The following RABGAP1 variants were observed in gnomAD, a reference collection of about 807,000 sequenced individuals.
The protein encoded by RABGAP1 is rab GTPase-activating protein 1.
A neutral mutation model predicts 137.6 loss-of-function variants in RABGAP1; 23 were observed. The observed-to-expected ratio is 0.17, with a 90% CI of 0.12 to 0.24. The LOEUF (loss-of-function observed/expected upper bound fraction) is 0.24, where lower values mean the gene tolerates loss of function less well. Among genes scored for constraint, RABGAP1 ranks in the 10% least tolerant of loss-of-function variants. The probability of loss-of-function intolerance (pLI) is 1.00; values close to 1 mark genes in which losing one functional copy is unlikely to be tolerated. For missense variants in RABGAP1, 906 were observed against 1,275.8 expected, an observed-to-expected ratio of 0.71 and a Z score of 4.42; for synonymous variants, 451 against 450.7, an observed-to-expected ratio of 1.00 and a Z score of -0.01.
chr9:123,007,782 T>A (rs1482226796), intron 10 of RABGAP1, among the ~76,000 whole-genome samples: 1 of 150,868 alleles, frequency 6.6e-6, no homozygotes, highest in African/African-American at 2.4e-5. Context: ...TCCAGGAACA[T>A]GGGATGTCTT....
Position 123,101,554 on chromosome 9 carries a change from A to AT in RABGAP1, c.2890-10dup. 1 of 1,612,140 alleles carries AT rather than the reference A, an allele frequency of 6.2e-7. No individual in the cohort carries two copies. Among genetic ancestry groups the AT allele is most frequent in the East Asian group, 2.2e-5 (1 of 44,826 alleles). On this transcript the variant is annotated splice_polypyrimidine_tract_variant and intron_variant, in intron 24 of 25. Coordinates refer to ENST00000373647, the MANE Select transcript of RABGAP1 (RefSeq NM_012197.4). Reference sequence around the variant, plus strand: ...TCTTCTTTGCCTCTTCACATCTAACATTCAATTTCAGCAAAAAGTGGATGA... The same window carrying AT: ...TCTTCTTTGCCTCTTCACATCTAACATTTCAATTTCAGCAAAAAGTGGATGA...
At chr9:123,051,627 A>G (rs1047082232) in intron 13 of RABGAP1, among the ~76,000 whole-genome samples, 5 of 152,046 alleles carry the variant, frequency 3.3e-5, no homozygotes, top group African/African-American at 1.2e-4. Context: ...TCTGTTTTTC[A>G]TAAACACTGA....
intron 14 of RABGAP1, among the ~76,000 whole-genome samples, chr9:123,068,440 C>G (rs1349805879): frequency 1.3e-5 from 2 of 151,438 alleles, no homozygotes; most frequent in Non-Finnish European, 1.5e-5. Context: ...AGCCTCTGTT[C>G]TTTTGTAACT....
chr9:122,994,221 G>A (rs1404152478), intron 6 of RABGAP1, among the ~76,000 whole-genome samples: 1 of 152,110 alleles, frequency 6.6e-6, no homozygotes, highest in African/African-American at 2.4e-5. Context: ...ATTCAGTGAG[G>A]TGAACACCCA....
rs184156569 is a variant in RABGAP1 at position 122,984,235 on chromosome 9, A to G, written c.151-250A>G. On this transcript the variant is annotated intron_variant, in intron 2 of 25. Coordinates refer to ENST00000373647, the MANE Select transcript of RABGAP1 (RefSeq NM_012197.4). ...AAGACTTTAATAACATTGGCAGGCT[A>G]TCGCATATATTTCTGGGTATTAGTC... Among the ~76,000 whole-genome samples, 474 of 152,362 alleles carry G rather than the reference A, an allele frequency of 3.1e-3. 4 individuals carry two copies. Among genetic ancestry groups the G allele is most frequent in the African/African-American group, 0.01 (426 of 41,598 alleles).
Position 123,076,738 on chromosome 9 carries a change from A to G in RABGAP1, c.2400A>G (p.Leu800=). The G allele has an allele frequency of 1.2e-6, 2 of 1,602,734 alleles. No homozygotes were observed. The highest frequency in any genetic ancestry group is 2.3e-5 in the East Asian group (1 of 44,336). The change falls in exon 19 of 26, where the codon CTA becomes CTG. Residue 800 remains leucine, a synonymous_variant. Coordinates refer to ENST00000373647, the MANE Select transcript of RABGAP1 (RefSeq NM_012197.4). The stretch of plus-strand genomic sequence containing the variant: ...GCTCAGAAGAAAATGCAAAAAAACT[A>G]ATGGAATTAGCCTGCAACATGAAGG... ...RYRSEENAKK[L]MELACNMKIS...
At chr9:123,025,325 ATCT>A (rs986257569) in intron 13 of RABGAP1, among the ~76,000 whole-genome samples, 1 of 152,176 alleles carries the variant, frequency 6.6e-6, no homozygotes, top group Non-Finnish European at 1.5e-5. Context: ...GTGAAAGCAA[ATCT>A]TTGTTTTCTA....
intron 13 of RABGAP1, chr9:123,063,230 G>A (rs920952500): frequency 2.0e-5 from 3 of 152,562 alleles, no homozygotes; most frequent in African/African-American, 7.3e-5. Flanking sequence ...CCTAACCTTC[G>A]TAGTTGTCTT....
intron 2 of RABGAP1, among the ~76,000 whole-genome samples, chr9:122,973,143 C>T (rs1490979628): frequency 6.6e-6 from 1 of 152,150 alleles, no homozygotes; most frequent in Non-Finnish European, 1.5e-5. Flanking sequence ...ATATGTTCCT[C>T]TCAGTTGGGA....
At chr9:122,986,711 T>C (rs534785160) in intron 4 of RABGAP1, among the ~76,000 whole-genome samples, 1 of 152,346 alleles carries the variant, frequency 6.6e-6, no homozygotes. Context: ...ATATTTTCCA[T>C]GTTCCTTTGA....
At chr9:122,957,255 C>A in intron 2 of RABGAP1, 46 bp downstream of exon 2, 2 of 1,405,008 alleles carry the variant, frequency 1.4e-6, no homozygotes, top group Admixed American at 2.1e-5. Flanking sequence ...TTTTCTAAGC[C>A]CATTGCAAAA....
chr9:123,007,387 T>C (rs1354734498), intron 10 of RABGAP1, among the ~76,000 whole-genome samples: 5 of 148,868 alleles, frequency 3.4e-5, no homozygotes, highest in African/African-American at 1.2e-4. Flanking sequence ...TTTTTTTTTT[T>C]TTTTTTCCAA....
At chr9:123,014,462 A>G (rs1327341155) in intron 11 of RABGAP1, among the ~76,000 whole-genome samples, 1 of 152,146 alleles carries the variant, frequency 6.6e-6, no homozygotes, top group Non-Finnish European at 1.5e-5. Context: ...AGAGGGAGCA[A>G]TTGTTAGTGT....
chr9:122,989,218 G>C, intron 4 of RABGAP1, 79 bp from the exon 5 acceptor site: 1 of 1,261,176 alleles, frequency 7.9e-7, no homozygotes, highest in Non-Finnish European at 1.1e-6. Flanking sequence ...TAGAAAGAAT[G>C]AGTCTCACAT....
intron 2 of RABGAP1, among the ~76,000 whole-genome samples, chr9:122,958,536 C>T (rs746857767): frequency 6.6e-6 from 1 of 152,034 alleles, no homozygotes; most frequent in East Asian, 1.9e-4. Context: ...ACACAGGGGC[C>T]TGTCGTGGGG....
intron 9 of RABGAP1, 70 bp from the exon 10 acceptor site, chr9:122,998,527 A>G (rs1837155386): frequency 8.3e-7 from 1 of 1,211,426 alleles, no homozygotes; most frequent in Non-Finnish European, 1.1e-6. Flanking sequence ...AATAGCTTTT[A>G]TGGAATCTTA....
At chr9:122,986,917 C>G (rs1836400217) in intron 4 of RABGAP1, among the ~76,000 whole-genome samples, 1 of 152,048 alleles carries the variant, frequency 6.6e-6, no homozygotes, top group African/African-American at 2.4e-5. Flanking sequence ...CACTTAAGTT[C>G]AGGGGTTCGA....
chr9:122,956,729 C>A (rs1222396771), intron 1 of RABGAP1, among the ~76,000 whole-genome samples: 1 of 151,046 alleles, frequency 6.6e-6, no homozygotes, highest in Non-Finnish European at 1.5e-5. Flanking sequence ...ACTTGAATTG[C>A]AACTTAGCCC....
Position 123,070,778 on chromosome 9 carries a change from G to T in RABGAP1, c.1983+354G>T, listed in dbSNP as rs964977334. ...ATTTAGGTATTGGGGTAGGAGGAAGGCGGAAAAGTTGGTTTTCTTTTAGTA... is the reference window on the plus strand; with the variant it reads ...ATTTAGGTATTGGGGTAGGAGGAAGTCGGAAAAGTTGGTTTTCTTTTAGTA... On this transcript the variant is annotated intron_variant, in intron 15 of 25. Transcript: ENST00000373647. This position sits in a 1 kb window ranked among gnomAD's most constrained non-coding sequence, Gnocchi z 4.4. 1.3e-5 allele frequency among the ~76,000 whole-genome samples: 2 copies of T among 152,144 alleles called. No individual in the cohort carries two copies. Among genetic ancestry groups the T allele is most frequent in the Admixed American group, 6.5e-5 (1 of 15,274 alleles).
Sources: allele counts gnomAD v4.1 joint callset (sites outside exome capture counted in the v4.1 genomes callset), GRCh38; gene constraint gnomAD v4.1.1; non-coding constraint Gnocchi (gnomAD v3.1); transcripts MANE v1.5; gene names NCBI Gene and HGNC (gene_info 2026-07-23, HGNC 2026-07-21).